Variants in FGF2 observed in about 807,000 individuals in gnomAD.
FGF2 encodes fibroblast growth factor 2.
In FGF2, 13 loss-of-function variants were observed where a neutral mutation model predicts 15.9. The observed-to-expected ratio is 0.82, with a 90% confidence interval of 0.53 to 1.30. FGF2 has a LOEUF of 1.30. Among genes scored for constraint, FGF2 ranks in the 50% most tolerant of loss-of-function variants. FGF2 has a pLI of 0.00. For missense variants in FGF2, 163 were observed against 196.9 expected (o/e 0.83, Z 1.03); for synonymous variants, 90 against 78.4 (o/e 1.15, Z -0.78).
Position 122,895,076 on chromosome 4 carries a change from C to G in FGF2, c.*2680C>G, listed in dbSNP as rs868279757. ...TGATCAGTTTAACTTGAATCACTAA[C>G]TGACTGAAAATTGAATGGGCAAATA... On this transcript the variant is annotated 3_prime_UTR_variant, in exon 3 of 3. Transcript: ENST00000644866. 6.6e-6 allele frequency: 1 copy of G among 152,194 alleles called. No homozygotes were observed. The highest frequency in any genetic ancestry group is 2.4e-5 in the African/African-American group (1 of 41,454). The allele number at this position is 152,194 out of a possible 1,614,324, so 9.4% of individuals were successfully genotyped here. A position where few individuals can be genotyped will look rare whatever the true frequency, so the allele number is the denominator to read the frequency against.
intron 1 of FGF2, among the ~76,000 whole-genome samples, chr4:122,855,417 C>T (rs1219128655): frequency 6.6e-6 from 1 of 152,214 alleles, no homozygotes; most frequent in Admixed American, 6.5e-5. Context: ...TATTGAAGAA[C>T]TCACATTTCA....
At chr4:122,849,026 C>T (rs1345788678) in intron 1 of FGF2, among the ~76,000 whole-genome samples, 3 of 152,154 alleles carry the variant, frequency 2.0e-5, no homozygotes, top group African/African-American at 4.8e-5. Context: ...ACTGGCTCTT[C>T]CGGACTGGGT....
At chr4:122,889,338 C>T (rs1220555730) in intron 2 of FGF2, among the ~76,000 whole-genome samples, 2 of 152,140 alleles carry the variant, frequency 1.3e-5, no homozygotes, top group Admixed American at 6.5e-5. Flanking sequence ...TTTGTGGTGG[C>T]ATTCCTCTGA....
In FGF2 at chr4:122,826,948, G is replaced by A. The variant is rs762842666; in HGVS notation, c.-227G>A. 2.9e-6 allele frequency: 4 copies of A among 1,372,550 alleles called. No individual in the cohort carries two copies. The highest frequency in any genetic ancestry group is 5.6e-5 in the Admixed American group (2 of 35,944). 85.0% of individuals were successfully genotyped at this position (1,372,550 alleles called of 1,614,324 possible). A position where few individuals can be genotyped will look rare whatever the true frequency, so the allele number is the denominator to read the frequency against. On this transcript the variant is annotated 5_prime_UTR_variant, in exon 1 of 3. Coordinates refer to ENST00000644866, the MANE Select transcript of FGF2 (RefSeq NM_001361665.2). ...CACCCATCCGTGAACCCCAGGTCCC[G>A]GGCCGCCGGCTCGCCGCGCACCAGG... is the stretch of plus-strand genomic sequence containing the variant.
chr4:122,842,762 AG>A (rs1175877665), intron 1 of FGF2, among the ~76,000 whole-genome samples: 1 of 152,200 alleles, frequency 6.6e-6, no homozygotes, highest in Non-Finnish European at 1.5e-5. Flanking sequence ...GCTACTAGAA[AG>A]CCAAATATAT....
At chr4:122,859,495 A>G (rs1415141546) in intron 1 of FGF2, among the ~76,000 whole-genome samples, 1 of 152,222 alleles carries the variant, frequency 6.6e-6, no homozygotes, top group Non-Finnish European at 1.5e-5. Context: ...AGCCACATTC[A>G]TACTTGCCCT....
In FGF2 at chr4:122,892,309, G is replaced by A. The variant is rs1227163360; in HGVS notation, c.381G>A (p.Leu127=). 2 of 1,614,072 alleles carry A rather than the reference G, an allele frequency of 1.2e-6. No homozygotes were observed. The highest frequency in any genetic ancestry group is 3.3e-5 in the Admixed American group (2 of 60,026). Residue 127 remains leucine, a synonymous_variant, in exon 3 of 3, where the codon CTG becomes CTA. Transcript: ENST00000644866. The part of the protein sequence containing the change: ...SRKYTSWYVA[L]KRTGQYKLGS... ...AATACACCAGTTGGTATGTGGCACTGAAACGAACTGGGCAGTATAAACTTG... is the reference window on the plus strand; with the variant it reads ...AATACACCAGTTGGTATGTGGCACTAAAACGAACTGGGCAGTATAAACTTG...
At chr4:122,844,009 C>T (rs1726050237) in intron 1 of FGF2, among the ~76,000 whole-genome samples, 1 of 152,164 alleles carries the variant, frequency 6.6e-6, no homozygotes, top group Non-Finnish European at 1.5e-5. Context: ...TTTGCGGCAT[C>T]AGTTGACTTA....
At chr4:122,865,540 C>A (rs1366629611) in intron 1 of FGF2, among the ~76,000 whole-genome samples, 1 of 152,200 alleles carries the variant, frequency 6.6e-6, no homozygotes, top group Non-Finnish European at 1.5e-5. Context: ...ATCCACCCAT[C>A]TCCCAAAGTA....
intron 1 of FGF2, among the ~76,000 whole-genome samples, chr4:122,850,744 T>G (rs1165038686): frequency 6.6e-6 from 1 of 152,102 alleles, no homozygotes; most frequent in East Asian, 1.9e-4. Flanking sequence ...AGAGAGCGGT[T>G]CCAAATCTCA....
intron 1 of FGF2, among the ~76,000 whole-genome samples, chr4:122,853,856 A>G (rs1435645323): frequency 6.6e-6 from 1 of 152,248 alleles, no homozygotes; most frequent in Non-Finnish European, 1.5e-5. Context: ...TATTGATAGG[A>G]GTTAAATGAA....
chr4:122,827,016 G>C lies in FGF2; in HGVS notation c.-159G>C. The C allele has an allele frequency of 8.3e-7, 1 of 1,206,528 alleles. No individual in the cohort carries two copies. Among genetic ancestry groups the C allele is most frequent in the Non-Finnish European group, 1.0e-6 (1 of 972,334 alleles). 74.7% of individuals were successfully genotyped at this position (1,206,528 alleles called of 1,614,324 possible). ...GCGGCCGAGCGGCTCGAGGCTGGGG[G>C]ACCGCGGGCGCGGCCGCGCGCTGCC... On this transcript the variant is annotated 5_prime_UTR_variant, in exon 1 of 3. Coordinates refer to ENST00000644866, the MANE Select transcript of FGF2 (RefSeq NM_001361665.2). The surrounding 1 kb of genome is among the most constrained non-coding windows in gnomAD (Gnocchi z 4.2).
chr4:122,862,604 T>A (rs1726495003), intron 1 of FGF2, among the ~76,000 whole-genome samples: 1 of 152,226 alleles, frequency 6.6e-6, no homozygotes, highest in African/African-American at 2.4e-5. Context: ...AAAGATTGTG[T>A]CAATTCTCCT....
At chr4:122,842,880 G>A (rs1726019805) in intron 1 of FGF2, among the ~76,000 whole-genome samples, 1 of 151,722 alleles carries the variant, frequency 6.6e-6, no homozygotes. Context: ...TTTTTGTTTT[G>A]GTATATTGTC....
intron 2 of FGF2, among the ~76,000 whole-genome samples, chr4:122,881,019 C>T (rs1726951654): frequency 1.3e-5 from 2 of 152,212 alleles, no homozygotes; most frequent in Admixed American, 1.3e-4. Context: ...CATGTGGAAG[C>T]TGCCAAGGCT....
chr4:122,837,343 G>A lies in FGF2; in HGVS notation c.178+9991G>A, dbSNP rs542438745. On this transcript the variant is annotated intron_variant, in intron 1 of 2. Transcript: ENST00000644866. ...TAGAAAACAATTCATAAGTTTTTAG[G>A]TGGCCTTACATCAATAGGAAATGGA... Among the ~76,000 whole-genome samples, 3 of 152,214 alleles carry A rather than the reference G, an allele frequency of 2.0e-5. No homozygotes were observed. The East Asian group carries it at 5.8e-4, about 29-fold the overall frequency.
intron 1 of FGF2, among the ~76,000 whole-genome samples, chr4:122,866,015 C>T (rs1726570457): frequency 6.6e-6 from 1 of 152,134 alleles, no homozygotes. Context: ...AAAAGAAGAA[C>T]ATTGATAAAT....
At chr4:122,873,171 TCTTGAACTGTACTC>T (rs1428973252) in intron 1 of FGF2, among the ~76,000 whole-genome samples, 8 of 152,244 alleles carry the variant, frequency 5.3e-5, no homozygotes, top group African/African-American at 1.9e-4. Context: ...CTAACCTTGC[TCTTGAACTGTACTC>T]CTGGCTTTCC....
intron 1 of FGF2, chr4:122,840,465 T>A (rs1226767272): frequency 6.6e-6 from 1 of 152,366 alleles, no homozygotes; most frequent in African/African-American, 2.4e-5. Context: ...AGTTTGTCAT[T>A]TGAAACATAG....
Sources: allele counts gnomAD v4.1 joint callset (sites outside exome capture counted in the v4.1 genomes callset), GRCh38; gene constraint gnomAD v4.1.1; non-coding constraint Gnocchi (gnomAD v3.1); transcripts MANE v1.5; gene names NCBI Gene and HGNC (gene_info 2026-07-23, HGNC 2026-07-21).